PNISR: variants seen among roughly 807,000 people sequenced by gnomAD.
PNISR encodes arginine/serine-rich protein PNISR.
A neutral mutation model predicts 93.4 loss-of-function variants in PNISR; 20 were observed. That is an observed-to-expected ratio of 0.21 (90% CI 0.15 to 0.31). The LOEUF (loss-of-function observed/expected upper bound fraction) is 0.31, where lower values mean the gene tolerates loss of function less well. Ranked by LOEUF, PNISR falls within the 10% of genes least tolerant of loss-of-function variation. The pLI is 1.00. For missense variants in PNISR, 893 were observed against 985.4 expected (o/e 0.91, Z 1.25); for synonymous variants, 305 against 306.5 (o/e 0.99, Z 0.05).
At chr6:99,419,887 ATTCT>A (rs1778309435) in intron 1 of PNISR, among the ~76,000 whole-genome samples, 1 of 147,346 alleles carries the variant, frequency 6.8e-6, no homozygotes, top group East Asian at 1.9e-4. Context: ...ACATAACTGC[ATTCT>A]TTTTTTTTTT....
intron 1 of PNISR, among the ~76,000 whole-genome samples, chr6:99,418,241 G>A (rs1368326095): frequency 1.3e-5 from 2 of 151,546 alleles, no homozygotes; most frequent in Non-Finnish European, 2.9e-5. Flanking sequence ...GGGTTCAAGC[G>A]ATTCTCCTGC....
rs138292279 is a variant in PNISR at position 99,400,825 on chromosome 6, T to C, written c.2133A>G (p.Leu711=). ...DFKFSSQDDR[L]KRKRESERTF... ...TTCTTTCACTTTCTCGTTTCCTTTT[T>C]AATCTATCATCCTGACTACTGAACT... The change falls in exon 12 of 12, where the codon TTA becomes TTG. Residue 711 remains leucine, a synonymous_variant. Coordinates refer to ENST00000369239, the MANE Select transcript of PNISR (RefSeq NM_032870.4). 1.9e-6 allele frequency: 3 copies of C among 1,611,962 alleles called. No homozygotes were observed. In the East Asian group the frequency reaches 6.7e-5, roughly 36 times the overall value.
intron 1 of PNISR, among the ~76,000 whole-genome samples, chr6:99,416,785 A>C (rs1159563952): frequency 1.3e-5 from 2 of 152,374 alleles, no homozygotes; most frequent in African/African-American, 4.8e-5. Context: ...AAGGTAATAA[A>C]ATGTATTAAT....
At chr6:99,403,970 C>A in intron 9 of PNISR, 88 bp from the exon 10 acceptor site, 1 of 838,354 alleles carries the variant, frequency 1.2e-6, no homozygotes, top group Non-Finnish European at 2.0e-6. Context: ...GTTAAATCTA[C>A]TACTATTGCT....
chr6:99,413,895 G>C (rs980594762), intron 3 of PNISR, among the ~76,000 whole-genome samples: 5 of 152,044 alleles, frequency 3.3e-5, no homozygotes, highest in African/African-American at 1.2e-4. Flanking sequence ...AAAATAATTG[G>C]ACAAGTGAAT....
chr6:99,418,413 G>C lies in PNISR; in HGVS notation c.-111-1985C>G, dbSNP rs563086604. Among the ~76,000 whole-genome samples the C allele has an allele frequency of 1.7e-3, 262 of 150,200 alleles. 1 individual carries two copies. Among genetic ancestry groups the C allele is most frequent in the African/African-American group, 6.2e-3 (252 of 40,770 alleles). ...AGCCTCCCAAAGTGCTGGGATTATA[G>C]GTGTGAACCACCGCACCCAGCTGAA... On this transcript the variant is annotated intron_variant, in intron 1 of 11. Transcript: ENST00000369239.
Position 99,408,291 on chromosome 6 carries a change from T to C in PNISR, c.674-20A>G. 6.5e-7 allele frequency: 1 copy of C among 1,541,868 alleles called. No individual in the cohort carries two copies. The highest frequency in any genetic ancestry group is 8.9e-7 in the Non-Finnish European group (1 of 1,129,258). Reference sequence around the variant, plus strand: ...CTGCGTCTGTTTCACGTGGGAAAAATATACGCAAGTCAGTTAAGTAAAATA... The same window carrying C: ...CTGCGTCTGTTTCACGTGGGAAAAACATACGCAAGTCAGTTAAGTAAAATA... On this transcript the variant is annotated intron_variant, in intron 6 of 11. Coordinates refer to ENST00000369239, the MANE Select transcript of PNISR (RefSeq NM_032870.4).
At chr6:99,407,432 T>C (rs570277358) in intron 7 of PNISR, among the ~76,000 whole-genome samples, 8 of 152,200 alleles carry the variant, frequency 5.3e-5, no homozygotes, top group African/African-American at 1.7e-4. Context: ...AGATTTTGCA[T>C]AGATCTTTTG....
At chr6:99,424,010 C>T (rs1034817342) in intron 1 of PNISR, among the ~76,000 whole-genome samples, 2 of 152,132 alleles carry the variant, frequency 1.3e-5, no homozygotes, top group African/African-American at 4.8e-5. Flanking sequence ...TTTAAAGACC[C>T]TCTCTCCAAA....
Position 99,401,254 on chromosome 6 carries a change from A to G in PNISR, c.1704T>C (p.Ala568=). ...HSRSRSPTIK[A]RRSRSRSYSR... ...AATAGCTTCTACTCCTGCTACGTCT[A>G]GCTTTGATTGTTGGAGATCTACTCC... Residue 568 remains alanine (A), a synonymous_variant, in exon 12 of 12, where the codon GCT becomes GCC. Transcript: ENST00000369239. 6.2e-7 allele frequency: 1 copy of G among 1,613,810 alleles called. No homozygotes were observed. The highest frequency in any genetic ancestry group is 8.5e-7 in the Non-Finnish European group (1 of 1,179,908).
At position 99,401,092 on chromosome 6, in the gene PNISR, G is replaced by A; in HGVS notation, c.1866C>T (p.Arg622=). 1.9e-6 allele frequency: 3 copies of A among 1,613,598 alleles called. No homozygotes were observed. Among genetic ancestry groups the A allele is most frequent in the Non-Finnish European group, 2.5e-6 (3 of 1,179,984 alleles). Residue 622 remains arginine (R), a synonymous_variant, in exon 12 of 12, where the codon CGC becomes CGT. Coordinates refer to ENST00000369239, the MANE Select transcript of PNISR (RefSeq NM_032870.4). ...PSRERRRSRS[R]SRDRRTNRAS... is the part of the protein sequence containing the mutation. ...CACGATTGGTTCGTCTATCCCTTGA[G>A]CGACTTCTACTTCTACGTCTCTCTC...
At chr6:99,410,530 G>C (rs1259230075) in intron 5 of PNISR, 1 of 514,654 alleles carries the variant, frequency 1.9e-6, no homozygotes, top group East Asian at 3.0e-5. Flanking sequence ...TTTCCGTAAT[G>C]ATCTTTTATA....
In PNISR at chr6:99,401,580, G is replaced by A; in HGVS notation, c.1378C>T (p.His460Tyr). 2.5e-6 allele frequency: 4 copies of A among 1,574,176 alleles called. No homozygotes were observed. Among genetic ancestry groups the A allele is most frequent in the Non-Finnish European group, 3.4e-6 (4 of 1,167,086 alleles). ...AGTGATAAACTATTTTGCTCTTTAT[G>A]GATAAATTCATTCATCTCTTTTGTA... is the stretch of plus-strand genomic sequence containing the variant. ...RVTKEMNEFIHKEQNSLSLLE... is the reference protein window; with the variant it reads ...RVTKEMNEFIYKEQNSLSLLE... Residue 460 changes from histidine to tyrosine, a missense_variant, in exon 12 of 12, where the codon CAT becomes TAT. Physicochemically the swap from His to Tyr is moderately conservative, Grantham distance 83 (BLOSUM62 2). Around this residue, in one of 3 missense-constraint regions of PNISR, gnomAD observed 866 missense variants for 935.1 expected, o/e 0.93. Coordinates refer to ENST00000369239, the MANE Select transcript of PNISR (RefSeq NM_032870.4).
chr6:99,417,180 T>C (rs184727536), intron 1 of PNISR, among the ~76,000 whole-genome samples: 2 of 152,204 alleles, frequency 1.3e-5, no homozygotes, highest in African/African-American at 4.8e-5. Flanking sequence ...CTCTATAAAG[T>C]GCCTACTGAA....
chr6:99,409,532 G>T, intron 5 of PNISR, 188 bp from the exon 6 acceptor site: 1 of 483,332 alleles, frequency 2.1e-6, no homozygotes, highest in South Asian at 4.0e-5. Context: ...AGATTTTCCG[G>T]CTATGTAAAT....
At chr6:99,418,342 G>A (rs1397782757) in intron 1 of PNISR, among the ~76,000 whole-genome samples, 1 of 151,496 alleles carries the variant, frequency 6.6e-6, no homozygotes, top group Admixed American at 6.6e-5. Flanking sequence ...TCACTATGCA[G>A]GTCAAGCTGG....
chr6:99,418,190 T>G (rs1260469849), intron 1 of PNISR, among the ~76,000 whole-genome samples: 2 of 151,814 alleles, frequency 1.3e-5, no homozygotes, highest in Admixed American at 1.3e-4. Flanking sequence ...CAGGCTGGAG[T>G]GCAGTGGTGC....
chr6:99,418,145 A>C (rs986637432), intron 1 of PNISR, among the ~76,000 whole-genome samples: 3 of 151,660 alleles, frequency 2.0e-5, no homozygotes, highest in Admixed American at 2.0e-4. Flanking sequence ...TATTATTATT[A>C]TATTTTTTTT....
intron 11 of PNISR, 58 bp downstream of exon 11, chr6:99,402,481 TA>T: frequency 8.5e-7 from 1 of 1,182,526 alleles, no homozygotes; most frequent in Non-Finnish European, 1.2e-6. Context: ...TTAGGTTAGT[TA>T]AAAAATAAAA....
Sources: allele counts gnomAD v4.1 joint callset (sites outside exome capture counted in the v4.1 genomes callset), GRCh38; gene constraint gnomAD v4.1.1; regional missense constraint gnomAD v4.1.1; transcripts MANE v1.5; gene names NCBI Gene and HGNC (gene_info 2026-07-23, HGNC 2026-07-21).